The following RGS7 variants were observed in gnomAD, a reference collection of about 807,000 sequenced individuals.
RGS7 encodes regulator of G protein signaling 7, also known as regulator of G-protein signaling 7.
Under a neutral mutation model 81.1 loss-of-function variants are expected in RGS7, and 27 were observed. The ratio of observed to expected loss-of-function variants is 0.33; its 90% CI spans 0.25 to 0.46. The LOEUF is 0.46. Among genes scored for constraint, RGS7 ranks in the 20% least tolerant of loss-of-function variants. RGS7 has a pLI of 1.00. For missense variants in RGS7, 396 were observed against 607.4 expected (o/e 0.65, Z 3.66); for synonymous variants, 208 against 207.7 (o/e 1.00, Z -0.01).
At chr1:240,905,401 G>C (rs1259553723) in intron 6 of RGS7, among the ~76,000 whole-genome samples, 1 of 152,184 alleles carries the variant, frequency 6.6e-6, no homozygotes, top group East Asian at 1.9e-4. Context: ...GCAGCGACAG[G>C]TAGGCGGAGA....
chr1:241,010,747 C>T (rs2058917369), intron 3 of RGS7, among the ~76,000 whole-genome samples: 1 of 152,160 alleles, frequency 6.6e-6, no homozygotes. Flanking sequence ...GCACTAATTT[C>T]CTGCTGATCC....
chr1:240,832,412 A>G (rs1693998907), intron 9 of RGS7, among the ~76,000 whole-genome samples: 1 of 152,200 alleles, frequency 6.6e-6, no homozygotes, highest in Non-Finnish European at 1.5e-5. Flanking sequence ...ATTTATTATA[A>G]AGTAGGATTT....
chr1:241,193,046 C>T (rs12034831), intron 2 of RGS7, among the ~76,000 whole-genome samples: 41,394 of 152,126 alleles, frequency 0.27, 6,336 homozygotes, highest in Non-Finnish European at 0.34. Context: ...TGAAGAATGA[C>T]ATAGAATGGG....
chr1:240,797,033 C>T (rs72754866), intron 18 of RGS7, among the ~76,000 whole-genome samples: 1 of 152,302 alleles, frequency 6.6e-6, no homozygotes, highest in Non-Finnish European at 1.5e-5. Context: ...TACTTTTCTA[C>T]TTTTGTAGCC....
intron 4 of RGS7, among the ~76,000 whole-genome samples, chr1:240,951,753 A>G (rs1679598160): frequency 1.3e-5 from 2 of 152,170 alleles, no homozygotes; most frequent in South Asian, 4.1e-4. Context: ...ATAATGGCTG[A>G]AGACTCTCCA....
At chr1:240,858,766 G>A (rs925316548) in intron 9 of RGS7, among the ~76,000 whole-genome samples, 1 of 151,752 alleles carries the variant, frequency 6.6e-6, no homozygotes, top group Non-Finnish European at 1.5e-5. Context: ...TTTCTTTTTA[G>A]CCTGTAGAAG....
At chr1:240,881,471 C>T (rs1438542542) in intron 6 of RGS7, among the ~76,000 whole-genome samples, 4 of 152,056 alleles carry the variant, frequency 2.6e-5, no homozygotes, top group Non-Finnish European at 5.9e-5. Flanking sequence ...GCACGTTGTG[C>T]ACATGTACCC....
At chr1:241,061,244 A>G (rs1188406390) in intron 3 of RGS7, among the ~76,000 whole-genome samples, 1 of 152,234 alleles carries the variant, frequency 6.6e-6, no homozygotes, top group Non-Finnish European at 1.5e-5. Flanking sequence ...TTTCTCTTGT[A>G]AAGGTCACTG....
At chr1:241,207,750 G>A (rs1353537699) in intron 2 of RGS7, among the ~76,000 whole-genome samples, 2 of 152,056 alleles carry the variant, frequency 1.3e-5, no homozygotes, top group East Asian at 1.9e-4. Flanking sequence ...TCTTCCACAC[G>A]TTTGGAAGCA....
intron 2 of RGS7, among the ~76,000 whole-genome samples, chr1:241,212,914 T>TC (rs2074329897): frequency 6.6e-6 from 1 of 152,218 alleles, no homozygotes; most frequent in Non-Finnish European, 1.5e-5. Flanking sequence ...TTTGACTTTT[T>TC]CTCAAAGTCC....
At chr1:240,812,122 A>C (rs1311337244) in intron 13 of RGS7, 79 bp from the exon 14 acceptor site, 14 of 1,509,878 alleles carry the variant, frequency 9.3e-6, no homozygotes, top group African/African-American at 2.7e-5. Flanking sequence ...CCCCTTCAAA[A>C]TCATGTGTGC....
At chr1:241,262,124 C>T (rs528063549) in intron 2 of RGS7, among the ~76,000 whole-genome samples, 4 of 152,240 alleles carry the variant, frequency 2.6e-5, no homozygotes, top group African/African-American at 9.6e-5. Flanking sequence ...CTGTTCCACC[C>T]TACCCCATTC....
At chr1:241,073,304 C>T (rs1464315114) in intron 3 of RGS7, among the ~76,000 whole-genome samples, 1 of 152,156 alleles carries the variant, frequency 6.6e-6, no homozygotes, top group East Asian at 1.9e-4. Context: ...GAGACTAACT[C>T]TACTGGCCAG....
intron 18 of RGS7, among the ~76,000 whole-genome samples, chr1:240,794,147 T>A (rs1017547315): frequency 2.0e-5 from 3 of 152,040 alleles, no homozygotes; most frequent in African/African-American, 7.2e-5. Flanking sequence ...GGTGTTTGTG[T>A]CAGTTGAGGA....
rs556025744 is a variant in RGS7 at position 241,266,551 on chromosome 1, T to C, written c.78+89148A>G. Reference sequence around the variant, plus strand: ...TAATTTAAAATCTCTATCCAGTTCTTAGTCTCTATAGAACACATTCACTGC... The same window carrying C: ...TAATTTAAAATCTCTATCCAGTTCTCAGTCTCTATAGAACACATTCACTGC... On this transcript the variant is annotated intron_variant, in intron 2 of 18. Coordinates refer to ENST00000440928, the MANE Select transcript of RGS7 (RefSeq NM_001364886.1). Among the ~76,000 whole-genome samples, 3 of 152,356 alleles carry C rather than the reference T, an allele frequency of 2.0e-5. No individual in the cohort carries two copies. In the East Asian group the frequency reaches 5.8e-4, roughly 29 times the overall value.
At chr1:241,145,632 C>G (rs2068258229) in intron 2 of RGS7, among the ~76,000 whole-genome samples, 1 of 152,120 alleles carries the variant, frequency 6.6e-6, no homozygotes, top group Non-Finnish European at 1.5e-5. Context: ...GCAATCCCAG[C>G]TACTTTGAGG....
chr1:241,195,557 T>G (rs1051773067), intron 2 of RGS7, among the ~76,000 whole-genome samples: 6 of 152,222 alleles, frequency 3.9e-5, no homozygotes, highest in African/African-American at 1.2e-4. Context: ...AAATTATCCA[T>G]GAGAAATGCA....
In RGS7 at chr1:241,144,964, T is replaced by TGTGTGTGTGTGTGTGTGTGTGTGTGTGTG. The variant is rs1479399427; in HGVS notation, c.79-46203_79-46202insCACACACACACACACACACACACACACAC. Among the ~76,000 whole-genome samples, 29 of 144,506 alleles carry TGTGTGTGTGTGTGTGTGTGTGTGTGTGTG rather than the reference T, an allele frequency of 2.0e-4. No homozygotes were observed. The highest frequency in any genetic ancestry group is 7.9e-4 in the African/African-American group (29 of 36,926). 94.8% of individuals were successfully genotyped at this position (144,506 alleles called of 152,430 possible). A position where few individuals can be genotyped will look rare whatever the true frequency, so the allele number is the denominator to read the frequency against. On this transcript the variant is annotated intron_variant, in intron 2 of 18. Coordinates refer to ENST00000440928, the MANE Select transcript of RGS7 (RefSeq NM_001364886.1). The surrounding 1 kb of genome is among the most constrained non-coding windows in gnomAD (Gnocchi z 4.7). Reference sequence around the variant, plus strand: ...GTGTGTGTGTGTGTGTGTGTGTGTGTTCGTGTTCATTCTTCCTGTTCCTGT... The same window carrying TGTGTGTGTGTGTGTGTGTGTGTGTGTGTG: ...GTGTGTGTGTGTGTGTGTGTGTGTGTGTGTGTGTGTGTGTGTGTGTGTGTGTGTGTCGTGTTCATTCTTCCTGTTCCTGT...
At chr1:240,898,181 T>TA (rs1669403602) in intron 6 of RGS7, among the ~76,000 whole-genome samples, 1 of 152,208 alleles carries the variant, frequency 6.6e-6, no homozygotes, top group Admixed American at 6.5e-5. Flanking sequence ...CTCTTCTTCT[T>TA]GATTAGTCTT....
Sources: gnomAD v4.1 joint callset for allele counts (sites outside exome capture counted in the v4.1 genomes callset) on GRCh38, gnomAD v4.1.1 for gene constraint, Gnocchi (gnomAD v3.1) non-coding constraint, MANE v1.5 for transcripts, NCBI Gene and HGNC (gene_info 2026-07-23, HGNC 2026-07-21) for gene names.